Variants in LRRTM3 observed in about 807,000 individuals in gnomAD.
LRRTM3 encodes leucine rich repeat transmembrane neuronal 3, also known as leucine-rich repeat transmembrane neuronal protein 3.
A neutral mutation model predicts 44.7 loss-of-function variants in LRRTM3; 24 were observed. The ratio of observed to expected loss-of-function variants is 0.54; its 90% CI spans 0.39 to 0.76. The LOEUF (loss-of-function observed/expected upper bound fraction) is 0.76, where lower values mean the gene tolerates loss of function less well. Ranked by LOEUF, LRRTM3 falls within the 30% of genes least tolerant of loss-of-function variation. The pLI is 0.00. For missense variants in LRRTM3, 587 were observed against 702.2 expected, an observed-to-expected ratio of 0.84 and a Z score of 1.85; for synonymous variants, 277 against 278.7, an observed-to-expected ratio of 0.99 and a Z score of 0.06.
At chr10:67,085,252 G>T (rs757849093) in intron 2 of LRRTM3, among the ~76,000 whole-genome samples, 2 of 151,804 alleles carry the variant, frequency 1.3e-5, no homozygotes, top group African/African-American at 4.8e-5. Context: ...ACATATATAT[G>T]TGGCTGATCA....
intron 2 of LRRTM3, among the ~76,000 whole-genome samples, chr10:66,953,473 G>C (rs183299641): frequency 2.6e-4 from 39 of 151,938 alleles, no homozygotes; most frequent in Non-Finnish European, 1.9e-4. Context: ...TTTTTTTTCT[G>C]TACTTTCCCA....
At chr10:67,039,200 CA>C (rs1463089429) in intron 2 of LRRTM3, among the ~76,000 whole-genome samples, 1 of 152,098 alleles carries the variant, frequency 6.6e-6, no homozygotes, top group Non-Finnish European at 1.5e-5. Flanking sequence ...TACAACTTCA[CA>C]AACTGTAACT....
At chr10:66,934,975 C>A (rs527667884) in intron 2 of LRRTM3, among the ~76,000 whole-genome samples, 1 of 152,066 alleles carries the variant, frequency 6.6e-6, no homozygotes, top group African/African-American at 2.4e-5. Context: ...TGTCATCAGA[C>A]AGTGAAGCTA....
chr10:67,078,651 G>T (rs1480255876), intron 2 of LRRTM3, among the ~76,000 whole-genome samples: 3 of 151,918 alleles, frequency 2.0e-5, no homozygotes, highest in Non-Finnish European at 2.9e-5. Flanking sequence ...CAAGTAGCTG[G>T]GATTACAGGC....
rs1161205652 is a variant in LRRTM3 at position 67,098,242 on chromosome 10, CAG to C, written c.*449_*450del. The C allele has an allele frequency of 1.3e-5, 2 of 157,656 alleles. No homozygotes were observed. Among genetic ancestry groups the C allele is most frequent in the East Asian group, 1.8e-4 (1 of 5,428 alleles). The allele number at this position is 157,656 out of a possible 1,614,324, so 9.8% of individuals were successfully genotyped here. The stretch of plus-strand genomic sequence containing the variant: ...AACAAAAATTATTTCTTGTGTTATT[CAG>C]AGTTACTCAGTTTTGTAAGGACTGT... On this transcript the variant is annotated 3_prime_UTR_variant, in exon 3 of 3. Coordinates refer to ENST00000361320, the MANE Select transcript of LRRTM3 (RefSeq NM_178011.5).
At chr10:66,945,340 T>A (rs1848222606) in intron 2 of LRRTM3, among the ~76,000 whole-genome samples, 1 of 152,234 alleles carries the variant, frequency 6.6e-6, no homozygotes, top group Non-Finnish European at 1.5e-5. Flanking sequence ...ACTTTTATGT[T>A]ATGAAGATGG....
chr10:67,027,659 T>A (rs1176175408), intron 2 of LRRTM3, among the ~76,000 whole-genome samples: 1 of 151,962 alleles, frequency 6.6e-6, no homozygotes, highest in Non-Finnish European at 1.5e-5. Flanking sequence ...ATGGTCTCAA[T>A]CTCTTGACCT....
chr10:67,048,165 C>A (rs917115222), intron 2 of LRRTM3, among the ~76,000 whole-genome samples: 1 of 152,052 alleles, frequency 6.6e-6, no homozygotes, highest in African/African-American at 2.4e-5. Context: ...TCATCCCCTG[C>A]CATGTTCATG....
chr10:67,080,680 C>T (rs1039567399), intron 2 of LRRTM3, among the ~76,000 whole-genome samples: 10 of 152,108 alleles, frequency 6.6e-5, no homozygotes, highest in Admixed American at 2.0e-4. Context: ...GAGGCTGAGG[C>T]GGGCGGATCA....
At chr10:66,987,287 C>G (rs897657864) in intron 2 of LRRTM3, among the ~76,000 whole-genome samples, 1 of 152,046 alleles carries the variant, frequency 6.6e-6, no homozygotes, top group African/African-American at 2.4e-5. Context: ...AACAGGGGAG[C>G]AAGGCAGAAT....
intron 2 of LRRTM3, among the ~76,000 whole-genome samples, chr10:67,006,914 C>T (rs1852027122): frequency 6.6e-6 from 1 of 152,108 alleles, no homozygotes; most frequent in Non-Finnish European, 1.5e-5. Context: ...CTACCTCTGC[C>T]TCCCAAGTAG....
intron 2 of LRRTM3, among the ~76,000 whole-genome samples, chr10:67,084,344 C>G (rs1857195832): frequency 6.6e-6 from 1 of 152,018 alleles, no homozygotes; most frequent in African/African-American, 2.4e-5. Flanking sequence ...TGTTGGGCAA[C>G]AGTCACTAAC....
In LRRTM3 at chr10:66,927,150, T is replaced by C. The variant is rs1240133846; in HGVS notation, c.234T>C (p.Tyr78=). ...ATAACAGCCTTCAAAAACTTAAGTATAATCAATTTAAAGGGCTCAACCAGC... is the reference window on the plus strand; with the variant it reads ...ATAACAGCCTTCAAAAACTTAAGTACAATCAATTTAAAGGGCTCAACCAGC... ...LRYNSLQKLK[Y]NQFKGLNQLT... Residue 78 remains tyrosine, a synonymous_variant, in exon 2 of 3, where the codon TAT becomes TAC. Coordinates refer to ENST00000361320, the MANE Select transcript of LRRTM3 (RefSeq NM_178011.5). This position sits in a 1 kb window ranked among gnomAD's most constrained non-coding sequence, Gnocchi z 4.7. 7 of 1,614,208 alleles carry C rather than the reference T, an allele frequency of 4.3e-6. No homozygotes were observed. The highest frequency in any genetic ancestry group is 5.1e-6 in the Non-Finnish European group (6 of 1,180,036).
At chr10:67,034,454 T>G (rs1853918201) in intron 2 of LRRTM3, among the ~76,000 whole-genome samples, 1 of 152,208 alleles carries the variant, frequency 6.6e-6, no homozygotes, top group Non-Finnish European at 1.5e-5. Flanking sequence ...CTATCACATC[T>G]TCTAGTGTCC....
chr10:67,085,359 A>G (rs992501850), intron 2 of LRRTM3, among the ~76,000 whole-genome samples: 1 of 151,870 alleles, frequency 6.6e-6, no homozygotes, highest in Non-Finnish European at 1.5e-5. Context: ...AGAAAAAATG[A>G]ACCCTAATTT....
At chr10:66,930,232 C>T (rs1349792510) in intron 2 of LRRTM3, among the ~76,000 whole-genome samples, 2 of 152,110 alleles carry the variant, frequency 1.3e-5, no homozygotes, top group African/African-American at 4.8e-5. Context: ...TTAAATCTTA[C>T]AATAGATGCC....
At chr10:67,007,743 A>T (rs1245781475) in intron 2 of LRRTM3, among the ~76,000 whole-genome samples, 2 of 152,022 alleles carry the variant, frequency 1.3e-5, no homozygotes, top group Non-Finnish European at 2.9e-5. Context: ...TTCCATACTG[A>T]ATATATTAAT....
intron 2 of LRRTM3, among the ~76,000 whole-genome samples, chr10:67,092,250 G>T (rs1857687624): frequency 6.6e-6 from 1 of 151,794 alleles, no homozygotes; most frequent in African/African-American, 2.4e-5. Context: ...TTACAAAAAT[G>T]GGAAGATTTC....
At position 67,007,304 on chromosome 10, in the gene LRRTM3, C is replaced by G. The variant is rs142846121; in HGVS notation, c.1536+78852C>G. 2.8e-4 allele frequency among the ~76,000 whole-genome samples: 43 copies of G among 152,182 alleles called. No individual in the cohort carries two copies. The East Asian group carries it at 8.1e-3, about 29-fold the overall frequency. On this transcript the variant is annotated intron_variant, in intron 2 of 2. Coordinates refer to ENST00000361320, the MANE Select transcript of LRRTM3 (RefSeq NM_178011.5). Reference sequence around the variant, plus strand: ...TAACAAATTGGCTCTTTTTCCTCTCCCACTATTTGGATATTGAAATTAAAG... The same window carrying G: ...TAACAAATTGGCTCTTTTTCCTCTCGCACTATTTGGATATTGAAATTAAAG...
Sources: gnomAD v4.1 joint callset for allele counts (sites outside exome capture counted in the v4.1 genomes callset) on GRCh38, gnomAD v4.1.1 for gene constraint, Gnocchi (gnomAD v3.1) non-coding constraint, MANE v1.5 for transcripts, NCBI Gene and HGNC (gene_info 2026-07-23, HGNC 2026-07-21) for gene names.